The following ZNF544 variants were observed in gnomAD, a reference collection of about 807,000 sequenced individuals.
The protein encoded by ZNF544 is zinc finger protein AF020591.
A neutral mutation model predicts 13.5 loss-of-function variants in ZNF544; 10 were observed. The ratio of observed to expected loss-of-function variants is 0.74; its 90% CI spans 0.46 to 1.25. The LOEUF (loss-of-function observed/expected upper bound fraction) is 1.25, where lower values mean the gene tolerates loss of function less well. Ranked by LOEUF, ZNF544 falls within the 50% of genes most tolerant of loss-of-function variation. The pLI is 0.00. For synonymous variants in ZNF544, 323 were observed against 300.5 expected, an observed-to-expected ratio of 1.07 and a Z score of -0.77; for missense variants, 896 against 845.6, an observed-to-expected ratio of 1.06 and a Z score of -0.74.
chr19:58,243,960 C>T lies in ZNF544; in HGVS notation c.-59-5C>T. 2 of 1,565,506 alleles carry T rather than the reference C, an allele frequency of 1.3e-6. No homozygotes were observed. The highest frequency in any genetic ancestry group is 8.7e-7 in the Non-Finnish European group (1 of 1,154,384). On this transcript the variant is annotated splice_polypyrimidine_tract_variant and splice_region_variant and intron_variant, in intron 3 of 6. Coordinates refer to ENST00000687789, the MANE Select transcript of ZNF544 (RefSeq NM_014480.4). ...GGCTGAATCTCTGCTTGTTTTCCAC[C>T]CCAGACTGGTCTTCTGAGGACCTCT...
chr19:58,272,190 AAAGAT>A (rs2050720038), intron 5 of ZNF544, among the ~76,000 whole-genome samples: 1 of 150,798 alleles, frequency 6.6e-6, no homozygotes, highest in Admixed American at 6.6e-5. Context: ...AGCATAAAGA[AAAGAT>A]GTCAGACTTG....
chr19:58,230,222 CACCATA>C (rs1344463220), intron 2 of ZNF544, 166 bp from the exon 3 acceptor site: 1 of 152,262 alleles, frequency 6.6e-6, no homozygotes, highest in Admixed American at 6.5e-5. Flanking sequence ...CCAGATCAGC[CACCATA>C]CAGGTCCAGT....
intron 5 of ZNF544, 48 bp from the exon 6 acceptor site, chr19:58,246,663 T>G (rs2045290466): frequency 2.5e-6 from 4 of 1,597,764 alleles, no homozygotes. Flanking sequence ...AGGACATGGT[T>G]CTTGGTGTCC....
At chr19:58,264,347 G>A (rs976763261), downstream of ZNF544, among the ~76,000 whole-genome samples, 9 of 143,900 alleles carry the variant, frequency 6.3e-5, no homozygotes, top group African/African-American at 2.1e-4. Context: ...TCAAGCCATT[G>A]TGCTCCAGCC....
chr19:58,242,638 AC>A (rs2044152245), intron 3 of ZNF544, among the ~76,000 whole-genome samples: 1 of 150,634 alleles, frequency 6.6e-6, no homozygotes, highest in Non-Finnish European at 1.5e-5. Flanking sequence ...CTCAGCCCCT[AC>A]CCCCACCAGT....
At position 58,276,910 on chromosome 19, in the gene ZNF544, G is replaced by C. The variant is rs74370492; in HGVS notation, c.352-273G>C. On this transcript the variant is annotated intron_variant, in intron 6 of 6. Transcript: ENST00000595981. ...AATGGTAGAATAGTGGTTTTTGTAAGATAGAGAAAAGGCTAATTAGTTAAC... is the reference window on the plus strand; with the variant it reads ...AATGGTAGAATAGTGGTTTTTGTAACATAGAGAAAAGGCTAATTAGTTAAC... 6.6e-3 allele frequency among the ~76,000 whole-genome samples: 1,004 copies of C among 152,372 alleles called. 11 individuals are homozygous for C. The highest frequency in any genetic ancestry group is 0.023 in the African/African-American group (948 of 41,588).
chr19:58,262,621 G>C lies in ZNF544; in HGVS notation c.2015G>C (p.Ser672Thr), dbSNP rs1278777152. Residue 672 changes from serine to threonine, a missense_variant, in exon 7 of 7, where the codon AGC becomes ACC. Physicochemically the swap from Ser to Thr is moderately conservative, Grantham distance 58. Coordinates refer to ENST00000687789, the MANE Select transcript of ZNF544 (RefSeq NM_014480.4). ...CSQCGKAFSG[S>T]SNLLSHHRIH... is the part of the protein sequence containing the mutation. ...CAGTGTGGGAAAGCCTTTTCAGGGA[G>C]CTCTAACCTTCTTTCCCATCACAGA... The C allele has an allele frequency of 1.2e-6, 2 of 1,614,012 alleles. No individual in the cohort carries two copies. Among genetic ancestry groups the C allele is most frequent in the Non-Finnish European group, 1.7e-6 (2 of 1,180,024 alleles).
At chr19:58,246,618 C>T in intron 5 of ZNF544, 93 bp from the exon 6 acceptor site, 2 of 1,509,166 alleles carry the variant, frequency 1.3e-6, no homozygotes, top group Non-Finnish European at 1.8e-6. Flanking sequence ...TGGGGAGTTT[C>T]CTCGGGACAG....
At position 58,248,750 on chromosome 19, in the gene ZNF544, CAATG is replaced by C. The variant is rs375034356; in HGVS notation, c.244+1959_244+1962del. On this transcript the variant is annotated intron_variant, in intron 6 of 6. Transcript: ENST00000687789. ...AAAGAATTGGACAAAATGCATAAAA[CAATG>C]AAAGAATGAAGCAAAAAAAGCATAG... Among the ~76,000 whole-genome samples the C allele has an allele frequency of 1.6e-3, 242 of 152,120 alleles. 6 individuals are homozygous for C. The South Asian group carries it at 0.047, about 29-fold the overall frequency.
At chr19:58,269,280 C>A (rs1600425603) in intron 5 of ZNF544, among the ~76,000 whole-genome samples, 2 of 151,764 alleles carry the variant, frequency 1.3e-5, no homozygotes, top group Admixed American at 1.3e-4. Context: ...AATAAAAATT[C>A]AAAAATTAGC....
chr19:58,273,559 G>A (rs1464125086), intron 5 of ZNF544, among the ~76,000 whole-genome samples: 6 of 151,708 alleles, frequency 4.0e-5, no homozygotes, highest in East Asian at 4.0e-4. Flanking sequence ...GCGTGGTGGC[G>A]GGTGTCTGTA....
chr19:58,256,575 G>C (rs184195138), intron 6 of ZNF544, among the ~76,000 whole-genome samples: 2 of 152,286 alleles, frequency 1.3e-5, no homozygotes, highest in East Asian at 1.9e-4. Context: ...ACGGTACCAC[G>C]TGCAAGGTTC....
At chr19:58,255,991 C>G (rs780244873) in intron 6 of ZNF544, among the ~76,000 whole-genome samples, 1 of 152,166 alleles carries the variant, frequency 6.6e-6, no homozygotes, top group Admixed American at 6.6e-5. Context: ...GTCCTTCACC[C>G]GAACTGGGTG....
rs561445829 is a variant in ZNF544, at chr19:58,250,667, T to C, written c.244+3873T>C. ...AAAGTGGCACCTGGAATTTTAGCTC[T>C]GTGTACATTGATATTGGGCCCCAAA... is the stretch of plus-strand genomic sequence containing the variant. On this transcript the variant is annotated intron_variant, in intron 6 of 6. Transcript: ENST00000687789. Among the ~76,000 whole-genome samples the C allele has an allele frequency of 1.9e-3, 268 of 144,244 alleles. 2 individuals carry two copies. Among genetic ancestry groups the C allele is most frequent in the African/African-American group, 6.4e-3 (257 of 40,046 alleles). 94.6% of individuals were successfully genotyped at this position (144,244 alleles called of 152,430 possible). A position where few individuals can be genotyped will look rare whatever the true frequency, so the allele number is the denominator to read the frequency against.
Position 58,229,510 on chromosome 19 carries a change from G to A in ZNF544, c.-189G>A, listed in dbSNP as rs2040744033. The A allele has an allele frequency of 1.3e-5, 2 of 152,346 alleles. No homozygotes were observed. Among genetic ancestry groups the A allele is most frequent in the Admixed American group, 1.3e-4 (2 of 15,288 alleles). 9.4% of individuals were successfully genotyped at this position (152,346 alleles called of 1,614,324 possible). ...CCTGGCACAGCGGCACCAGGCAGGT[G>A]ACGCCTATTGGACCCCAGAGGTCAT... On this transcript the variant is annotated 5_prime_UTR_variant, in exon 2 of 7. Transcript: ENST00000687789.
intron 5 of ZNF544, among the ~76,000 whole-genome samples, chr19:58,272,702 G>A (rs1460552506): frequency 6.6e-6 from 1 of 151,802 alleles, no homozygotes; most frequent in African/African-American, 2.4e-5. Flanking sequence ...GGCCAACATG[G>A]TGAAACCCCG....
chr19:58,243,926 G>A (rs2044478696), intron 3 of ZNF544, 39 bp from the exon 4 acceptor site: 2 of 1,487,916 alleles, frequency 1.3e-6, no homozygotes, highest in Non-Finnish European at 1.8e-6. Flanking sequence ...AGGTTTGCAG[G>A]AGCCGAGGGG....
downstream of ZNF544, among the ~76,000 whole-genome samples, chr19:58,265,837 T>G (rs1279426364): frequency 6.6e-6 from 1 of 152,010 alleles, no homozygotes; most frequent in East Asian, 2.0e-4. Context: ...ATCTCCAGCC[T>G]TGGCCTCCCA....
rs545939396 is a variant in ZNF544, at chr19:58,234,607, T to C, written c.-60+4145T>C. Among the ~76,000 whole-genome samples, 68 of 152,372 alleles carry C rather than the reference T, an allele frequency of 4.5e-4. 3 individuals carry two copies. In the South Asian group the frequency reaches 9.3e-3, roughly 21 times the overall value. On this transcript the variant is annotated intron_variant, in intron 3 of 6. Coordinates refer to ENST00000687789, the MANE Select transcript of ZNF544 (RefSeq NM_014480.4). ...AAGGAGCAGTTCTTCCCTTTGCCTG[T>C]GTACCTGCGTGCAGCATTCTGCGAG...
Sources: gnomAD v4.1 joint callset for allele counts (sites outside exome capture counted in the v4.1 genomes callset) on GRCh38, gnomAD v4.1.1 for gene constraint, MANE v1.5 for transcripts, NCBI Gene and HGNC (gene_info 2026-07-23, HGNC 2026-07-21) for gene names.